The following FANCG variants were observed in gnomAD, a reference collection of about 807,000 sequenced individuals.
The protein encoded by FANCG is Fanconi anemia group G protein.
A neutral mutation model predicts 73.3 loss-of-function variants in FANCG; 67 were observed. The ratio of observed to expected loss-of-function variants is 0.91; its 90% CI spans 0.75 to 1.12. The LOEUF is 1.12. FANCG is among the 50% of genes most tolerant of loss of function. FANCG has a pLI of 0.00. For missense variants in FANCG, 643 were observed against 735.6 expected (o/e 0.87, Z 1.46); for synonymous variants, 297 against 311.6 (o/e 0.95, Z 0.49).
rs748899865 is a variant in FANCG at position 35,074,527 on chromosome 9, A to G, written c.1637-33T>C. On this transcript the variant is annotated intron_variant, in intron 12 of 13. Transcript: ENST00000378643. ...CCCAGCCCAGAGTACAGAGTCTTAGAACTTGACATAGTCTTAGGCATTGTT... is the reference window on the plus strand; with the variant it reads ...CCCAGCCCAGAGTACAGAGTCTTAGGACTTGACATAGTCTTAGGCATTGTT... 11 of 1,604,362 alleles carry G rather than the reference A, an allele frequency of 6.9e-6. No homozygotes were observed. The Admixed American group carries it at 8.4e-5, about 12-fold the overall frequency.
intron 2 of FANCG, 49 bp downstream of exon 2, chr9:35,079,102 T>C (rs1166086161): frequency 6.7e-7 from 1 of 1,487,594 alleles, no homozygotes; most frequent in Non-Finnish European, 9.2e-7. Flanking sequence ...CGGATGTTTC[T>C]CTGGCTATGG....
At chr9:35,078,508 G>T in intron 3 of FANCG, 97 bp downstream of exon 3, 1 of 1,562,010 alleles carries the variant, frequency 6.4e-7, no homozygotes, top group Non-Finnish European at 8.8e-7. Flanking sequence ...CTCTCTCCAT[G>T]GAGGTGACAG....
intron 11 of FANCG, 51 bp downstream of exon 11, chr9:35,075,228 C>T (rs1443075765): frequency 1.2e-6 from 2 of 1,609,794 alleles, no homozygotes; most frequent in Non-Finnish European, 1.7e-6. Context: ...GAACCCACTT[C>T]CACCACTACC....
chr9:35,078,789 A>G, intron 2 of FANCG, 53 bp from the exon 3 acceptor site: 1 of 1,612,226 alleles, frequency 6.2e-7, no homozygotes. Flanking sequence ...AGATCCTCCA[A>G]ATAAAATCCC....
intron 12 of FANCG, 163 bp downstream of exon 12, chr9:35,074,764 T>G: frequency 1.0e-6 from 1 of 956,868 alleles, no homozygotes; most frequent in South Asian, 1.4e-5. Context: ...ATACACACTG[T>G]GTATATTTGA....
rs1012841333 is a variant in FANCG at position 35,074,869 on chromosome 9, A to G, written c.1636+58T>C. ...TTACACTTACGCCCAAGTATTTCCC[A>G]TGGGCCTCTCTGTCCTTGCACATCT... On this transcript the variant is annotated intron_variant, in intron 12 of 13. Coordinates refer to ENST00000378643, the MANE Select transcript of FANCG (RefSeq NM_004629.2). 1.1e-5 allele frequency: 18 copies of G among 1,600,122 alleles called. No individual in the cohort carries two copies. In the African/African-American group the frequency reaches 1.9e-4, roughly 17 times the overall value.
chr9:35,079,442 T>C lies in FANCG; in HGVS notation c.83A>G (p.Lys28Arg). The stretch of plus-strand genomic sequence containing the variant: ...CGAGGGTGCCAGCAACCGTGTTACC[T>C]TGGCCTGTCGAACGAGCCGGTCATT... ...EKNDRLVRQA[K>R]VAQNSGLTLR... The change falls in exon 1 of 14, where the codon AAG becomes AGG. Residue 28 changes from lysine to arginine, a missense_variant and splice_region_variant. Transcript: ENST00000378643. 1 of 1,614,106 alleles carries C rather than the reference T, an allele frequency of 6.2e-7. No individual in the cohort carries two copies. The highest frequency in any genetic ancestry group is 8.5e-7 in the Non-Finnish European group (1 of 1,180,016).
Position 35,079,597 on chromosome 9 carries a change from C to T in FANCG, c.-73G>A, listed in dbSNP as rs1400251975. ...GAAGCTGGCCTGCCCAAGCTCCCAA[C>T]CCCAGCGGGGAGGGGCCTGGGCACT... On this transcript the variant is annotated 5_prime_UTR_variant, in exon 1 of 14. Coordinates refer to ENST00000378643, the MANE Select transcript of FANCG (RefSeq NM_004629.2). 1.3e-6 allele frequency: 2 copies of T among 1,511,288 alleles called. No homozygotes were observed. Among genetic ancestry groups the T allele is most frequent in the African/African-American group, 1.4e-5 (1 of 72,922 alleles). 93.6% of individuals were successfully genotyped at this position (1,511,288 alleles called of 1,614,324 possible).
chr9:35,077,097 G>C lies in FANCG; in HGVS notation c.651C>G (p.Leu217=), dbSNP rs1199143661. The C allele has an allele frequency of 6.2e-7, 1 of 1,614,206 alleles. No homozygotes were observed. Among genetic ancestry groups the C allele is most frequent in the Non-Finnish European group, 8.5e-7 (1 of 1,180,034 alleles). Residue 217 remains leucine (L), a synonymous_variant, in exon 6 of 14, where the codon CTC becomes CTG. Coordinates refer to ENST00000378643, the MANE Select transcript of FANCG (RefSeq NM_004629.2). The part of the protein sequence containing the change: ...LLTAFAYRQG[L]QELITGNPDK... Reference sequence around the variant, plus strand: ...CTGGGTTCCCTGTGATCAGCTCCTGGAGACCTGAGGACAGTCAGGGTGTGA... The same window carrying C: ...CTGGGTTCCCTGTGATCAGCTCCTGCAGACCTGAGGACAGTCAGGGTGTGA...
chr9:35,074,330 C>G (rs78602605), intron 13 of FANCG, 41 bp downstream of exon 13: 1 of 1,614,104 alleles, frequency 6.2e-7, no homozygotes, highest in Non-Finnish European at 8.5e-7. Context: ...TCTAGGACAC[C>G]AACTGCCCCT....
In FANCG at chr9:35,079,452, G is replaced by C. The variant is rs752839554; in HGVS notation, c.73C>G (p.Arg25Gly). The C allele has an allele frequency of 1.9e-6, 3 of 1,613,938 alleles. No homozygotes were observed. The highest frequency in any genetic ancestry group is 2.7e-5 in the African/African-American group (2 of 74,908). ...LWREKNDRLV[R>G]QAKVAQNSGL... ...AGCAACCGTGTTACCTTGGCCTGTC[G>C]AACGAGCCGGTCATTCTTTTCCCTC... Residue 25 changes from arginine to glycine, a missense_variant, in exon 1 of 14, where the codon CGA (arginine) becomes GGA (glycine). Arg to Gly is a moderately radical substitution (Grantham distance 125). Transcript: ENST00000378643.
At chr9:35,078,111 C>T (rs538939739) in intron 4 of FANCG, 30 bp downstream of exon 4, 3 of 1,593,862 alleles carry the variant, frequency 1.9e-6, no homozygotes, top group Non-Finnish European at 8.6e-7. Flanking sequence ...AAGGAGGAGA[C>T]CCTCAGCTTC....
chr9:35,079,669 C>G lies in FANCG; in HGVS notation c.-145G>C. On this transcript the variant is annotated 5_prime_UTR_variant, in exon 1 of 14. Transcript: ENST00000378643. ...CTGCTTCTCTCGGGGTCCCAATCCACCCGCCCAGGCTTTCCAGGACAGATG... is the reference window on the plus strand; with the variant it reads ...CTGCTTCTCTCGGGGTCCCAATCCAGCCGCCCAGGCTTTCCAGGACAGATG... 2 of 779,808 alleles carry G rather than the reference C, an allele frequency of 2.6e-6. No individual in the cohort carries two copies. Among genetic ancestry groups the G allele is most frequent in the Non-Finnish European group, 4.4e-6 (2 of 457,458 alleles). 48.3% of individuals were successfully genotyped at this position (779,808 alleles called of 1,614,324 possible). A position where few individuals can be genotyped will look rare whatever the true frequency, so the allele number is the denominator to read the frequency against.
At chr9:35,075,123 TCA>T in intron 11 of FANCG, 41 bp from the exon 12 acceptor site, 5 of 1,612,814 alleles carry the variant, frequency 3.1e-6, no homozygotes, top group Non-Finnish European at 4.2e-6. Flanking sequence ...CTTCCCAGCC[TCA>T]CAGTCACCAA....
At chr9:35,075,196 G>C in intron 11 of FANCG, 83 bp downstream of exon 11, 1 of 1,603,304 alleles carries the variant, frequency 6.2e-7, no homozygotes, top group East Asian at 2.2e-5. Flanking sequence ...AAGTCTCCTG[G>C]TGGGCTGGGA....
intron 12 of FANCG, 79 bp downstream of exon 12, chr9:35,074,848 A>G (rs1563985376): frequency 1.9e-6 from 3 of 1,567,720 alleles, no homozygotes; most frequent in East Asian, 2.2e-5. Context: ...CCACTCTTAC[A>G]CTTACGCCCA....
rs1216599485 is a variant in FANCG, at chr9:35,074,936, T to C, written c.1627A>G (p.Met543Val). The change falls in exon 12 of 14, where the codon ATG becomes GTG. Residue 543 changes from methionine to valine, a missense_variant. Physicochemically the swap from Met to Val is conservative, Grantham distance 21. Coordinates refer to ENST00000378643, the MANE Select transcript of FANCG (RefSeq NM_004629.2). ...ALQDFLLSVQ[M>V]CPGNRDTYFH... ...ATGCAAGTATACATACCTGGGCACA[T>C]CTGCACACTGAGGAGGAAGTCCTGT... 8.7e-6 allele frequency: 14 copies of C among 1,614,084 alleles called. No homozygotes were observed. Among genetic ancestry groups the C allele is most frequent in the Non-Finnish European group, 1.2e-5 (14 of 1,180,042 alleles).
intron 9 of FANCG, 42 bp downstream of exon 9, chr9:35,075,920 A>C: frequency 6.2e-7 from 1 of 1,606,144 alleles, no homozygotes; most frequent in Non-Finnish European, 8.5e-7. Flanking sequence ...GGGGACACCA[A>C]CCCGTCTACC....
chr9:35,075,186 A>C, intron 11 of FANCG, 93 bp downstream of exon 11: 1 of 1,603,758 alleles, frequency 6.2e-7, no homozygotes, highest in Admixed American at 1.7e-5. Context: ...CCTTTCTCTT[A>C]AGTCTCCTGG....
Sources: gnomAD v4.1 joint callset for allele counts on GRCh38, gnomAD v4.1.1 for gene constraint, MANE v1.5 for transcripts, NCBI Gene and HGNC (gene_info 2026-07-23, HGNC 2026-07-21) for gene names.